BCL2L13: variants seen among roughly 807,000 people sequenced by gnomAD.
BCL2L13 encodes bcl-2-like protein 13.
In BCL2L13, 13 loss-of-function variants were observed where a neutral mutation model predicts 25.8. The observed-to-expected ratio is 0.50, with a 90% CI of 0.33 to 0.80. The LOEUF (loss-of-function observed/expected upper bound fraction) is 0.80. BCL2L13 is among the 30% of genes least tolerant of loss of function. The pLI is 0.02. For synonymous variants in BCL2L13, 244 were observed against 230.3 expected (o/e 1.06, Z -0.54); for missense variants, 504 against 574.9 (o/e 0.88, Z 1.26).
At chr22:17,672,001 A>G (rs2059433607) in intron 2 of BCL2L13, among the ~76,000 whole-genome samples, 1 of 152,256 alleles carries the variant, frequency 6.6e-6, no homozygotes, top group South Asian at 2.1e-4. Context: ...GGCATGAGCC[A>G]CTGTGCCCGG....
chr22:17,656,332 A>ATTTTTT (rs1568935138), intron 2 of BCL2L13, among the ~76,000 whole-genome samples: 6 of 70,474 alleles, frequency 8.5e-5, no homozygotes, highest in African/African-American at 2.4e-4. Context: ...TTTTCATTTT[A>ATTTTTT]TTCTTTTTTT....
At chr22:17,640,024 T>C (rs2058216588) in intron 1 of BCL2L13, among the ~76,000 whole-genome samples, 1 of 152,118 alleles carries the variant, frequency 6.6e-6, no homozygotes, top group African/African-American at 2.4e-5. Context: ...GGGGCTAATT[T>C]TGTATTTTTA....
At position 17,727,381 on chromosome 22, in the gene BCL2L13, G is replaced by A. The variant is rs746594037; in HGVS notation, c.1305G>A (p.Pro435=). The A allele has an allele frequency of 8.7e-6, 14 of 1,614,114 alleles. No individual in the cohort carries two copies. Among genetic ancestry groups the A allele is most frequent in the Middle Eastern group, 1.6e-4 (1 of 6,084 alleles). Residue 435 remains proline, a synonymous_variant, in exon 7 of 7, where the codon CCG becomes CCA. Transcript: ENST00000317582. ...LSPASEKKPV[P]PSEGKSRLSP... is the part of the protein sequence containing the mutation. The stretch of plus-strand genomic sequence containing the variant: ...CTGCCAGCGAGAAGAAGCCCGTGCC[G>A]CCGTCTGAGGGCAAGTCTAGACTGT...
At chr22:17,695,088 C>CACAG (rs1487207911) in intron 4 of BCL2L13, among the ~76,000 whole-genome samples, 1 of 152,102 alleles carries the variant, frequency 6.6e-6, no homozygotes, top group African/African-American at 2.4e-5. Flanking sequence ...AGGACCTCAA[C>CACAG]ACAGCCTCGT....
At chr22:17,706,623 T>A (rs181268732) in intron 6 of BCL2L13, 4 of 1,221,528 alleles carry the variant, frequency 3.3e-6, no homozygotes, top group Non-Finnish European at 3.1e-6. Flanking sequence ...TCTCCTTAAG[T>A]CTGATCACCA....
chr22:17,641,433 C>T (rs183004293), intron 1 of BCL2L13, among the ~76,000 whole-genome samples: 5 of 152,098 alleles, frequency 3.3e-5, no homozygotes, highest in Middle Eastern at 3.4e-3. Context: ...CCAATAAGCC[C>T]ATGAGGCAAC....
chr22:17,686,454 AT>A (rs1568973421), intron 3 of BCL2L13, among the ~76,000 whole-genome samples: 1 of 151,878 alleles, frequency 6.6e-6, no homozygotes, highest in African/African-American at 2.4e-5. Flanking sequence ...TTTAAAAAAA[AT>A]GAAATGTACA....
intron 4 of BCL2L13, chr22:17,695,933 C>A: frequency 4.6e-6 from 2 of 431,560 alleles, no homozygotes; most frequent in Non-Finnish European, 4.3e-6. Context: ...ATGTTATTAA[C>A]TATTTCCCAG....
chr22:17,715,561 C>G (rs2109659), intron 6 of BCL2L13, among the ~76,000 whole-genome samples: 131,077 of 152,014 alleles, frequency 0.86, 56,700 homozygotes, highest in East Asian at 0.94. Flanking sequence ...TGGGAAGAGT[C>G]TGGCTGAGAA....
chr22:17,672,882 T>C (rs2059457882), intron 2 of BCL2L13, among the ~76,000 whole-genome samples: 1 of 152,080 alleles, frequency 6.6e-6, no homozygotes. Context: ...ATTGGATGTG[T>C]GTGGGTGTAT....
intron 6 of BCL2L13, among the ~76,000 whole-genome samples, chr22:17,717,837 A>C (rs1601780217): frequency 6.6e-6 from 1 of 152,186 alleles, no homozygotes; most frequent in East Asian, 1.9e-4. Context: ...TTGTAATCCT[A>C]ACACTTTGGT....
At chr22:17,721,099 G>T (rs1444137138) in intron 6 of BCL2L13, among the ~76,000 whole-genome samples, 9 of 152,008 alleles carry the variant, frequency 5.9e-5, no homozygotes. Flanking sequence ...GAACCCGGGA[G>T]GTGGAGCTTA....
chr22:17,631,686 A>T (rs796821522), intron 1 of BCL2L13, among the ~76,000 whole-genome samples: 4 of 51,802 alleles, frequency 7.7e-5, no homozygotes, highest in African/African-American at 3.0e-4. Flanking sequence ...ATATATATAT[A>T]TATATATATA....
Position 17,727,326 on chromosome 22 carries a change from G to C in BCL2L13, c.1250G>C (p.Arg417Thr). The C allele has an allele frequency of 6.2e-7, 1 of 1,614,252 alleles. No homozygotes were observed. The highest frequency in any genetic ancestry group is 8.5e-7 in the Non-Finnish European group (1 of 1,180,044). ...TLLSEKEINA[R>T]EESLVEELSP... Reference sequence around the variant, plus strand: ...CTGAGTGAGAAGGAGATAAACGCAAGGGAAGAGAGCCTTGTGGAAGAGCTG... The same window carrying C: ...CTGAGTGAGAAGGAGATAAACGCAACGGAAGAGAGCCTTGTGGAAGAGCTG... The change falls in exon 7 of 7, where the codon AGG (arginine) becomes ACG (threonine). Residue 417 changes from arginine to threonine, a missense_variant. By Grantham distance (71) the Arg-to-Thr change is moderately conservative. Transcript: ENST00000317582.
chr22:17,663,471 A>G (rs955758624), intron 2 of BCL2L13, among the ~76,000 whole-genome samples: 29 of 152,200 alleles, frequency 1.9e-4, no homozygotes, highest in African/African-American at 7.0e-4. Context: ...CCAAATATTT[A>G]TAATCTCATC....
chr22:17,688,837 G>T, intron 3 of BCL2L13, 149 bp from the exon 4 acceptor site: 58 of 375,264 alleles, frequency 1.5e-4, no homozygotes, highest in East Asian at 7.5e-4. Flanking sequence ...GCGTGATCTT[G>T]GCTCACCACA....
At chr22:17,711,158 G>C (rs1246137386) in intron 6 of BCL2L13, among the ~76,000 whole-genome samples, 1 of 151,976 alleles carries the variant, frequency 6.6e-6, no homozygotes, top group East Asian at 1.9e-4. Flanking sequence ...GGATTTTCAG[G>C]CTGTAGTGAG....
rs188358747 is a variant in BCL2L13, at chr22:17,709,386, G to A, written c.600+7000G>A. Among the ~76,000 whole-genome samples the A allele has an allele frequency of 2.5e-3, 375 of 152,184 alleles. 1 individual carries two copies. Among genetic ancestry groups the A allele is most frequent in the Non-Finnish European group, 3.9e-3 (267 of 68,008 alleles). On this transcript the variant is annotated intron_variant, in intron 6 of 6. Coordinates refer to ENST00000317582, the MANE Select transcript of BCL2L13 (RefSeq NM_015367.4). ...AAGGTGGGCAGATCACCTGAAGTCCGGAGTTCGAGACCAGCCTGGCCAACG... is the reference window on the plus strand; with the variant it reads ...AAGGTGGGCAGATCACCTGAAGTCCAGAGTTCGAGACCAGCCTGGCCAACG...
intron 2 of BCL2L13, among the ~76,000 whole-genome samples, chr22:17,682,123 T>G (rs2059774722): frequency 6.6e-6 from 1 of 152,226 alleles, no homozygotes. Flanking sequence ...CAGCAGTATC[T>G]TTTTTTGTAC....
Sources: gnomAD v4.1 joint callset for allele counts (sites outside exome capture counted in the v4.1 genomes callset) on GRCh38, gnomAD v4.1.1 for gene constraint, MANE v1.5 for transcripts, NCBI Gene and HGNC (gene_info 2026-07-23, HGNC 2026-07-21) for gene names.